The following VPS41 variants were observed in gnomAD, a reference collection of about 807,000 sequenced individuals.
The protein encoded by VPS41 is vacuolar protein sorting-associated protein 41 homolog.
In VPS41, 85 loss-of-function variants were observed where a neutral mutation model predicts 130.9. That is an observed-to-expected ratio of 0.65 (90% CI 0.55 to 0.78). The LOEUF (loss-of-function observed/expected upper bound fraction) is 0.78, where lower values mean the gene tolerates loss of function less well. VPS41 is among the 30% of genes least tolerant of loss of function. The pLI, the probability that VPS41 is intolerant of heterozygous loss-of-function variation, is 0.00. For missense variants in VPS41, 874 were observed against 1,018.7 expected (o/e 0.86, Z 1.93); for synonymous variants, 335 against 332.9 (o/e 1.01, Z -0.07).
chr7:38,869,062 A>G (rs969381250), intron 3 of VPS41, 84 bp downstream of exon 3: 17 of 1,063,760 alleles, frequency 1.6e-5, no homozygotes, highest in Non-Finnish European at 1.6e-5. Context: ...AAAAGCCACC[A>G]CCAAAAACAT....
At chr7:38,883,678 T>G (rs1200777299) in intron 2 of VPS41, among the ~76,000 whole-genome samples, 1 of 128,594 alleles carries the variant, frequency 7.8e-6, no homozygotes, top group Non-Finnish European at 1.7e-5. Context: ...TCAACCAATC[T>G]TGGACTGCCT....
At chr7:38,728,825 A>AAC in intron 25 of VPS41, 34 bp from the exon 26 acceptor site, 4 of 1,592,690 alleles carry the variant, frequency 2.5e-6, no homozygotes, top group Non-Finnish European at 2.6e-6. Flanking sequence ...AAGCCATCTT[A>AAC]AGTAGACTCA....
At chr7:38,736,034 A>T (rs1426348530) in intron 25 of VPS41, among the ~76,000 whole-genome samples, 1 of 152,246 alleles carries the variant, frequency 6.6e-6, no homozygotes, top group Non-Finnish European at 1.5e-5. Flanking sequence ...TTATACCTAA[A>T]AATCTAAGCT....
At chr7:38,840,107 C>T (rs536816598) in intron 4 of VPS41, among the ~76,000 whole-genome samples, 7 of 152,302 alleles carry the variant, frequency 4.6e-5, no homozygotes, top group East Asian at 1.9e-4. Flanking sequence ...CTGAAGCAAA[C>T]GGGGAATTCT....
At chr7:38,883,255 T>C (rs11980197) in intron 2 of VPS41, among the ~76,000 whole-genome samples, 95,662 of 151,894 alleles carry the variant, frequency 0.63, 31,483 homozygotes, top group East Asian at 0.89. Context: ...AAACAAAAAA[T>C]AAAAAATAAA....
intron 19 of VPS41, among the ~76,000 whole-genome samples, chr7:38,756,103 C>G (rs772664773): frequency 1.3e-5 from 2 of 151,942 alleles, no homozygotes; most frequent in African/African-American, 4.8e-5. Context: ...CCTTTTGGAG[C>G]CTTTAGGGTT....
At chr7:38,799,358 CA>C (rs777262478) in intron 7 of VPS41, among the ~76,000 whole-genome samples, 14 of 152,020 alleles carry the variant, frequency 9.2e-5, no homozygotes, top group Non-Finnish European at 1.9e-4. Context: ...GTACAAAAAA[CA>C]TTCTCAATCT....
At chr7:38,813,445 C>T (rs557784901) in intron 7 of VPS41, among the ~76,000 whole-genome samples, 3 of 152,154 alleles carry the variant, frequency 2.0e-5, no homozygotes, top group South Asian at 2.1e-4. Flanking sequence ...AATTAGCTTA[C>T]GTTGATGGTT....
chr7:38,745,474 C>A, intron 23 of VPS41, 85 bp downstream of exon 23: 1 of 1,131,952 alleles, frequency 8.8e-7, no homozygotes, highest in Non-Finnish European at 1.3e-6. Context: ...TGGTCTAAAA[C>A]CTATGTCCTT....
chr7:38,777,298 A>G (rs1168187434), intron 10 of VPS41, among the ~76,000 whole-genome samples: 1 of 152,182 alleles, frequency 6.6e-6, no homozygotes, highest in Non-Finnish European at 1.5e-5. Context: ...AATACAGATT[A>G]CTTTATGATG....
At chr7:38,855,638 A>G (rs140522979) in intron 4 of VPS41, among the ~76,000 whole-genome samples, 3 of 152,296 alleles carry the variant, frequency 2.0e-5, no homozygotes, top group African/African-American at 7.2e-5. Context: ...GTACAAGGAG[A>G]TAAGGGTGGA....
intron 14 of VPS41, among the ~76,000 whole-genome samples, chr7:38,770,491 C>T (rs1378317135): frequency 1.3e-5 from 2 of 150,516 alleles, no homozygotes; most frequent in Non-Finnish European, 2.9e-5. Flanking sequence ...TATTTTGCTT[C>T]TGCACTCTTT....
intron 25 of VPS41, among the ~76,000 whole-genome samples, chr7:38,738,410 T>A (rs923397327): frequency 6.6e-6 from 1 of 152,190 alleles, no homozygotes; most frequent in African/African-American, 2.4e-5. Context: ...AAAGATGATA[T>A]TTCCTACAGA....
chr7:38,822,214 G>T (rs1481724306), intron 5 of VPS41, among the ~76,000 whole-genome samples: 1 of 152,008 alleles, frequency 6.6e-6, no homozygotes, highest in Non-Finnish European at 1.5e-5. Flanking sequence ...TAAAACACAT[G>T]CTATAAAAAA....
intron 2 of VPS41, among the ~76,000 whole-genome samples, chr7:38,882,517 A>G (rs1204989438): frequency 1.3e-5 from 2 of 152,186 alleles, no homozygotes; most frequent in African/African-American, 4.8e-5. Context: ...CCTCCAGTCC[A>G]GACTTGAACT....
intron 4 of VPS41, among the ~76,000 whole-genome samples, chr7:38,846,100 A>G (rs1785717734): frequency 6.6e-6 from 1 of 152,218 alleles, no homozygotes; most frequent in African/African-American, 2.4e-5. Context: ...CTTAACAAAA[A>G]AGCAACTAAT....
chr7:38,813,307 T>C (rs1016176224), intron 7 of VPS41, among the ~76,000 whole-genome samples: 3 of 152,098 alleles, frequency 2.0e-5, no homozygotes, highest in South Asian at 4.2e-4. Context: ...ATATCCAGAA[T>C]AGGAAAACTT....
chr7:38,858,534 T>G (rs1324563982), intron 4 of VPS41, among the ~76,000 whole-genome samples: 6 of 152,202 alleles, frequency 3.9e-5, no homozygotes, highest in Non-Finnish European at 7.3e-5. Flanking sequence ...TAGAACTTTA[T>G]TTTTGGTTTA....
intron 7 of VPS41, among the ~76,000 whole-genome samples, chr7:38,811,071 A>G (rs562328317): frequency 2.0e-5 from 3 of 152,278 alleles, no homozygotes; most frequent in African/African-American, 7.2e-5. Context: ...GAAAGTGATC[A>G]TTTCACAAGT....
Sources: allele counts gnomAD v4.1 joint callset (sites outside exome capture counted in the v4.1 genomes callset), GRCh38; gene constraint gnomAD v4.1.1; transcripts MANE v1.5; gene names NCBI Gene and HGNC (gene_info 2026-07-23, HGNC 2026-07-21).